Variants in ENTPD5 observed in about 807,000 individuals in gnomAD.
ENTPD5 encodes ectonucleoside triphosphate diphosphohydrolase 5 (inactive), also known as nucleoside diphosphate phosphatase ENTPD5.
ENTPD5 carries 49 observed loss-of-function variants against 60.2 expected under a neutral mutation model. The observed-to-expected ratio is 0.81, with a 90% CI of 0.65 to 1.03. The LOEUF is 1.03. Ranked by LOEUF, ENTPD5 falls within the 50% of genes least tolerant of loss-of-function variation. The probability of loss-of-function intolerance (pLI) is 0.00; values close to 1 mark genes in which losing one functional copy is unlikely to be tolerated. For synonymous variants in ENTPD5, 187 were observed against 185.4 expected (o/e 1.01, Z -0.07); for missense variants, 480 against 507.6 (o/e 0.95, Z 0.52).
At chr14:74,001,241 G>A (rs2058495896) in intron 3 of ENTPD5, among the ~76,000 whole-genome samples, 2 of 152,072 alleles carry the variant, frequency 1.3e-5, no homozygotes, top group Non-Finnish European at 2.9e-5. Flanking sequence ...AGTGGCTCAT[G>A]CCTGTAATCC....
intron 2 of ENTPD5, among the ~76,000 whole-genome samples, chr14:74,014,884 G>A (rs567866870): frequency 3.3e-5 from 5 of 152,034 alleles, no homozygotes; most frequent in African/African-American, 7.2e-5. Context: ...GTTCAAGACC[G>A]GCCTGGCCAA....
intron 3 of ENTPD5, among the ~76,000 whole-genome samples, chr14:73,997,571 G>T (rs2058377817): frequency 6.6e-6 from 1 of 152,104 alleles, no homozygotes; most frequent in Non-Finnish European, 1.5e-5. Flanking sequence ...ACAGTAAGCT[G>T]AACTATGGAA....
chr14:73,977,442 C>A, intron 6 of ENTPD5, 68 bp from the exon 7 acceptor site: 1 of 1,223,972 alleles, frequency 8.2e-7, no homozygotes, highest in East Asian at 2.4e-5. Context: ...CATATTTTGA[C>A]AGTGTCCTGT....
At chr14:73,959,309 G>C (rs773728803), downstream of ENTPD5, 3 of 1,614,076 alleles carry the variant, frequency 1.9e-6, no homozygotes, top group Admixed American at 3.3e-5. Flanking sequence ...GGTTTCAAGG[G>C]AATCTGCCCA....
chr14:73,975,386 A>G (rs1309420176), intron 10 of ENTPD5, among the ~76,000 whole-genome samples: 1 of 146,880 alleles, frequency 6.8e-6, no homozygotes, highest in Non-Finnish European at 1.5e-5. Context: ...TCCTCTCCCT[A>G]CAGAAAGCTT....
chr14:73,962,322 T>C (rs971617794), downstream of ENTPD5, among the ~76,000 whole-genome samples: 9 of 152,074 alleles, frequency 5.9e-5, no homozygotes, highest in Non-Finnish European at 1.3e-4. Flanking sequence ...TCCCAAGGGT[T>C]ACAAGCAGAA....
At chr14:74,017,247 G>A (rs886308880) in intron 1 of ENTPD5, among the ~76,000 whole-genome samples, 1 of 152,036 alleles carries the variant, frequency 6.6e-6, no homozygotes, top group Non-Finnish European at 1.5e-5. Context: ...GAACCTGGGA[G>A]GTGGAGGCTG....
chr14:74,011,074 TTATA>T lies in ENTPD5; in HGVS notation c.-71+13_-71+16del. ...GACCTATGAAAAAGTGAAGTATTAC[TTATA>T]TATGTTACTTACCAATTTTTTCTTT... On this transcript the variant is annotated intron_variant, in intron 3 of 15. Transcript: ENST00000334696. The T allele has an allele frequency of 1.6e-6, 1 of 625,970 alleles. No individual in the cohort carries two copies. The highest frequency in any genetic ancestry group is 2.0e-6 in the Non-Finnish European group (1 of 501,514). 38.8% of individuals were successfully genotyped at this position (625,970 alleles called of 1,614,324 possible). A position where few individuals can be genotyped will look rare whatever the true frequency, so the allele number is the denominator to read the frequency against.
chr14:73,973,302 T>C (rs1333416683), intron 12 of ENTPD5, among the ~76,000 whole-genome samples: 2 of 152,222 alleles, frequency 1.3e-5, no homozygotes, highest in Non-Finnish European at 2.9e-5. Context: ...ATAGCATTTG[T>C]AAGCAAGTAG....
Position 73,971,564 on chromosome 14 carries a change from C to T in ENTPD5, c.1084+288G>A, listed in dbSNP as rs78136305. The stretch of plus-strand genomic sequence containing the variant: ...CAGAGGTCTCACTATGTTGCCTAAG[C>T]TGCAATGCAGTGACTGTTCACAGGT... On this transcript the variant is annotated intron_variant, in intron 14 of 15. Transcript: ENST00000334696. Among the ~76,000 whole-genome samples the T allele has an allele frequency of 3.3e-3, 508 of 152,306 alleles. 7 individuals are homozygous for T. The highest frequency in any genetic ancestry group is 0.011 in the African/African-American group (476 of 41,548).
downstream of ENTPD5, chr14:73,958,075 T>G (rs1373070476): frequency 4.0e-6 from 5 of 1,243,110 alleles, no homozygotes; most frequent in Non-Finnish European, 4.8e-6. Context: ...GCTTTAGGTT[T>G]AGTTATGGCT....
chr14:74,016,370 C>T (rs1791871475), intron 1 of ENTPD5, among the ~76,000 whole-genome samples: 1 of 152,200 alleles, frequency 6.6e-6, no homozygotes, highest in Non-Finnish European at 1.5e-5. Context: ...AGTGTGGCGA[C>T]TCATGCCTGT....
In ENTPD5 at chr14:73,966,801, AAATT is replaced by A. The variant is rs1486459372; in HGVS notation, c.*123_*126del. The A allele has an allele frequency of 1.4e-6, 1 of 712,066 alleles. No homozygotes were observed. The highest frequency in any genetic ancestry group is 2.4e-6 in the Non-Finnish European group (1 of 414,416). 44.1% of individuals were successfully genotyped at this position (712,066 alleles called of 1,614,324 possible). ...GGCAGCAGTTCACATTAGATGTGTA[AAATT>A]AATTAAACCTAAATCTCTAGGCTCA... On this transcript the variant is annotated 3_prime_UTR_variant, in exon 16 of 16. Coordinates refer to ENST00000334696, the MANE Select transcript of ENTPD5 (RefSeq NM_001249.5).
At chr14:74,011,551 T>C (rs2058845822) in intron 2 of ENTPD5, among the ~76,000 whole-genome samples, 1 of 152,024 alleles carries the variant, frequency 6.6e-6, no homozygotes, top group Admixed American at 6.6e-5. Context: ...AATCCTAGCA[T>C]TTTGGGAAGT....
chr14:73,984,676 TTTTC>T lies in ENTPD5; in HGVS notation c.298-1519_298-1516del, dbSNP rs1316568913. On this transcript the variant is annotated intron_variant, in intron 5 of 15. Coordinates refer to ENST00000334696, the MANE Select transcript of ENTPD5 (RefSeq NM_001249.5). Reference sequence around the variant, plus strand: ...ATAGTTGCTTTCAACAGCTCCTAATTTTTCTTTTTTAATTATTTATTTTTAATTA... The same window carrying T: ...ATAGTTGCTTTCAACAGCTCCTAATTTTTTTTAATTATTTATTTTTAATTA... Among the ~76,000 whole-genome samples, 7 of 151,924 alleles carry T rather than the reference TTTTC, an allele frequency of 4.6e-5. No individual in the cohort carries two copies. In the East Asian group the frequency reaches 1.3e-3, roughly 29 times the overall value.
chr14:73,958,105 C>A, downstream of ENTPD5: 1 of 1,537,986 alleles, frequency 6.5e-7, no homozygotes, highest in Non-Finnish European at 9.0e-7. Flanking sequence ...GCCTATGTGG[C>A]CCACCTTTCT....
chr14:74,005,275 AAAAAAAGAAAAAAAG>A (rs1345717844), intron 3 of ENTPD5, among the ~76,000 whole-genome samples: 16 of 117,970 alleles, frequency 1.4e-4, no homozygotes, highest in Middle Eastern at 4.7e-3. Context: ...CAAAAAAAAA[AAAAAAAGAAAAAAAG>A]AAAAAAAGAA....
chr14:73,966,848 G>T lies in ENTPD5; in HGVS notation c.*80C>A. ...TAGGCTCAAGTCCAGGATGTCCCCA[G>T]ACTAGTTCAGAAACTAAGTGCTCTC... On this transcript the variant is annotated 3_prime_UTR_variant, in exon 16 of 16. Coordinates refer to ENST00000334696, the MANE Select transcript of ENTPD5 (RefSeq NM_001249.5). The T allele has an allele frequency of 1.9e-6, 2 of 1,062,322 alleles. No homozygotes were observed. The highest frequency in any genetic ancestry group is 2.9e-6 in the Non-Finnish European group (2 of 685,362). The allele number at this position is 1,062,322 out of a possible 1,614,324, so 65.8% of individuals were successfully genotyped here. A position where few individuals can be genotyped will look rare whatever the true frequency, so the allele number is the denominator to read the frequency against.
chr14:73,961,737 G>C, downstream of ENTPD5: 1 of 1,614,084 alleles, frequency 6.2e-7, no homozygotes, highest in Admixed American at 1.7e-5. Context: ...TGCCCTTCAG[G>C]TTCCGTGAGC....
Sources: allele counts gnomAD v4.1 joint callset (sites outside exome capture counted in the v4.1 genomes callset), GRCh38; gene constraint gnomAD v4.1.1; transcripts MANE v1.5; gene names NCBI Gene and HGNC (gene_info 2026-07-23, HGNC 2026-07-21).